DMD: variants seen among roughly 807,000 people sequenced by gnomAD.
DMD encodes mutant dystrophin.
A neutral mutation model predicts 330.1 loss-of-function variants in DMD; 63 were observed. That is an observed-to-expected ratio of 0.19 (90% CI 0.16 to 0.24). The LOEUF is 0.24. DMD is among the 10% of genes least tolerant of loss of function. The pLI is 1.00. For synonymous variants in DMD, 1,223 were observed against 959.8 expected (o/e 1.27, Z -5.07); for missense variants, 3,344 against 2,684.1 (o/e 1.25, Z -5.43).
chrX:31,215,706 C>T (rs1039410373), intron 64 of DMD, among the ~76,000 whole-genome samples: 2 of 112,047 alleles, frequency 1.8e-5, no homozygotes, highest in African/African-American at 6.5e-5. Flanking sequence ...AGAAGGCTTA[C>T]GTGCTGTATG....
intron 53 of DMD, among the ~76,000 whole-genome samples, chrX:31,678,283 G>C (rs1478640405): frequency 1.8e-5 from 2 of 111,650 alleles, no homozygotes; most frequent in Non-Finnish European, 3.8e-5. Context: ...ATCAGATACT[G>C]GTTTAGCAAA....
chrX:32,730,962 CAGA>C (rs964124888), intron 7 of DMD, among the ~76,000 whole-genome samples: 1 of 111,743 alleles, frequency 8.9e-6, no homozygotes, highest in East Asian at 2.8e-4. Flanking sequence ...GTGAGCGACG[CAGA>C]AGACGGGTGA....
chrX:31,871,701 G>T (rs2093892842), intron 48 of DMD, among the ~76,000 whole-genome samples: 1 of 108,137 alleles, frequency 9.2e-6, no homozygotes, highest in Non-Finnish European at 1.9e-5. Flanking sequence ...TTTTAGTAAA[G>T]GTGTTTTTTT....
At position 32,129,601 on chromosome X, in the gene DMD, AG is replaced by A. The variant is rs760557382; in HGVS notation, c.6438+87314del. Among the ~76,000 whole-genome samples, 5 of 110,363 alleles carry A rather than the reference AG, an allele frequency of 4.5e-5. No individual in the cohort carries two copies. In the East Asian group the frequency reaches 1.4e-3, roughly 31 times the overall value. ...TCACCAATAATCATTGCATCCTAAA[AG>A]CCAAAGAAAAACTGCTATAAGGGAC... is the stretch of plus-strand genomic sequence containing the variant. On this transcript the variant is annotated intron_variant, in intron 44 of 78. Coordinates refer to ENST00000357033, the MANE Select transcript of DMD (RefSeq NM_004006.3).
At chrX:32,629,817 T>A (rs960067517) in intron 11 of DMD, among the ~76,000 whole-genome samples, 6 of 110,000 alleles carry the variant, frequency 5.5e-5, no homozygotes, top group Admixed American at 1.9e-4. Flanking sequence ...AAAAAAATGC[T>A]ACACTTTAAC....
chrX:32,164,364 C>T (rs2096860448), intron 44 of DMD, among the ~76,000 whole-genome samples: 1 of 111,593 alleles, frequency 9.0e-6, no homozygotes, highest in Admixed American at 9.5e-5. Flanking sequence ...GTGATACGAA[C>T]ACTGAAGTCC....
At chrX:32,741,288 A>G (rs1318152432) in intron 7 of DMD, among the ~76,000 whole-genome samples, 1 of 111,686 alleles carries the variant, frequency 9.0e-6, no homozygotes, top group Admixed American at 9.5e-5. Flanking sequence ...TTCTAGGTCA[A>G]AAGTTTTCAT....
chrX:32,221,222 C>T (rs1488481363), intron 43 of DMD, among the ~76,000 whole-genome samples: 3 of 111,105 alleles, frequency 2.7e-5, no homozygotes, highest in African/African-American at 9.8e-5. Flanking sequence ...TCCATTGTTG[C>T]TTTATACTTC....
intron 7 of DMD, among the ~76,000 whole-genome samples, chrX:32,734,640 A>C (rs1186496524): frequency 4.6e-5 from 5 of 107,883 alleles, no homozygotes; most frequent in Admixed American, 9.9e-5. Context: ...AATCCAGCAT[A>C]TAAACAGAGC....
chrX:33,218,010 C>T (rs921356829), intron 1 of DMD, among the ~76,000 whole-genome samples: 32 of 111,193 alleles, frequency 2.9e-4, no homozygotes, highest in African/African-American at 1.0e-3. Flanking sequence ...TGCCTTAATC[C>T]TAATATTAGG....
chrX:32,882,201 C>A (rs1286838546), intron 2 of DMD, among the ~76,000 whole-genome samples: 1 of 111,769 alleles, frequency 8.9e-6, no homozygotes, highest in Admixed American at 9.5e-5. Flanking sequence ...CACGTAGCAG[C>A]CCCCTACTCA....
rs770279196 is a variant in DMD, at chrX:33,043,087, TTC to T, written c.32-22889_32-22888del. Among the ~76,000 whole-genome samples, 98 of 112,304 alleles carry T rather than the reference TTC, an allele frequency of 8.7e-4. 1 individual carries two copies. The highest frequency in any genetic ancestry group is 3.0e-3 in the African/African-American group (92 of 30,942). On this transcript the variant is annotated intron_variant, in intron 1 of 78. Coordinates refer to ENST00000357033, the MANE Select transcript of DMD (RefSeq NM_004006.3). ...TTAGAAGCCACAAAATGCAAATATA[TTC>T]TTTTTTAATTTGAAGCTTGTTATTC...
intron 44 of DMD, among the ~76,000 whole-genome samples, chrX:32,039,349 G>T (rs7052394): frequency 9.0e-6 from 1 of 111,018 alleles, no homozygotes; most frequent in African/African-American, 3.3e-5. Context: ...TCAATTATTT[G>T]CTTCAAATTA....
At chrX:32,353,363 C>T (rs1569559383) in intron 37 of DMD, among the ~76,000 whole-genome samples, 3 of 111,525 alleles carry the variant, frequency 2.7e-5, no homozygotes, top group South Asian at 7.3e-4. Context: ...AATAAGAAAG[C>T]GTTTATAATT....
At chrX:31,850,862 G>A (rs2093512070) in intron 48 of DMD, among the ~76,000 whole-genome samples, 1 of 111,949 alleles carries the variant, frequency 8.9e-6, no homozygotes, top group South Asian at 3.7e-4. Flanking sequence ...GTGATTTCTG[G>A]GACAAAAAAA....
chrX:31,952,315 G>A (rs186243648), intron 45 of DMD, among the ~76,000 whole-genome samples: 1 of 110,558 alleles, frequency 9.0e-6, no homozygotes. Flanking sequence ...CTTTTTTTCT[G>A]GAACTCTTGT....
intron 1 of DMD, among the ~76,000 whole-genome samples, chrX:33,328,021 T>C (rs765977651): frequency 8.9e-6 from 1 of 111,976 alleles, no homozygotes; most frequent in African/African-American, 3.2e-5. Context: ...ATTGTAAAAT[T>C]TATGTTGTTC....
chrX:31,590,582 C>G (rs2076821776), intron 55 of DMD, among the ~76,000 whole-genome samples: 1 of 109,194 alleles, frequency 9.2e-6, no homozygotes, highest in African/African-American at 3.5e-5. Flanking sequence ...GAATTTTAGT[C>G]TGATATCTTA....
At chrX:32,586,124 T>A (rs2054266979) in intron 13 of DMD, among the ~76,000 whole-genome samples, 1 of 110,984 alleles carries the variant, frequency 9.0e-6, no homozygotes, top group Admixed American at 9.7e-5. Context: ...TACTCAAAAG[T>A]TTTCTAATAA....
Sources: allele counts gnomAD v4.1 joint callset (sites outside exome capture counted in the v4.1 genomes callset), GRCh38; gene constraint gnomAD v4.1.1; transcripts MANE v1.5; gene names NCBI Gene and HGNC (gene_info 2026-07-23, HGNC 2026-07-21).